Variants in CSMD1 observed in about 807,000 individuals in gnomAD.
CSMD1 encodes the protein CUB and sushi domain-containing protein 1.
Under a neutral mutation model 417.5 loss-of-function variants are expected in CSMD1, and 213 were observed. The ratio of observed to expected loss-of-function variants is 0.51; its 90% CI spans 0.46 to 0.57. The LOEUF is 0.57. Among genes scored for constraint, CSMD1 ranks in the 20% least tolerant of loss-of-function variants. The pLI, the probability that CSMD1 is intolerant of heterozygous loss-of-function variation, is 0.00. For synonymous variants in CSMD1, 2,862 were observed against 1,736.8 expected, an observed-to-expected ratio of 1.65 and a Z score of -16.11; for missense variants, 6,923 against 4,529.7, an observed-to-expected ratio of 1.53 and a Z score of -15.17.
At chr8:4,110,535 T>C (rs1472487818) in intron 3 of CSMD1, among the ~76,000 whole-genome samples, 2 of 152,202 alleles carry the variant, frequency 1.3e-5, no homozygotes, top group Non-Finnish European at 2.9e-5. Context: ...AGGATTTTCA[T>C]TTGTATTTAA....
At chr8:4,008,600 CTTTTTTTTTTTTTTTTTT>C (rs1161117794) in intron 4 of CSMD1, among the ~76,000 whole-genome samples, 4 of 80,452 alleles carry the variant, frequency 5.0e-5, no homozygotes, top group East Asian at 8.1e-4. Context: ...TTCTTTTTTT[CTTTTTTTTTTTTTTTTTT>C]TTTTTTTTTT....
At chr8:4,240,909 T>C (rs1802362191) in intron 3 of CSMD1, among the ~76,000 whole-genome samples, 1 of 152,246 alleles carries the variant, frequency 6.6e-6, no homozygotes, top group African/African-American at 2.4e-5. Context: ...GTAAAGAAAA[T>C]AGTTTAAAAT....
intron 49 of CSMD1, among the ~76,000 whole-genome samples, chr8:3,071,066 A>C (rs187508180): frequency 2.8e-4 from 42 of 152,318 alleles, no homozygotes; most frequent in African/African-American, 9.1e-4. Context: ...CAGGAGCAAG[A>C]GGTGGGTGGG....
chr8:4,391,343 C>G (rs1803838191), intron 3 of CSMD1, among the ~76,000 whole-genome samples: 1 of 152,176 alleles, frequency 6.6e-6, no homozygotes, highest in African/African-American at 2.4e-5. Context: ...CTTGACTGAG[C>G]TGAGCTATGG....
At chr8:4,943,497 A>G (rs1808160969) in intron 1 of CSMD1, among the ~76,000 whole-genome samples, 1 of 44,416 alleles carries the variant, frequency 2.3e-5, no homozygotes, top group African/African-American at 5.3e-5. Context: ...CACCGTCTCA[A>G]AAAAATAAAA....
intron 3 of CSMD1, among the ~76,000 whole-genome samples, chr8:4,412,996 T>A (rs1396646020): frequency 6.6e-6 from 1 of 152,216 alleles, no homozygotes; most frequent in African/African-American, 2.4e-5. Flanking sequence ...TCAGTAGTTA[T>A]GAGATTTTTG....
intron 3 of CSMD1, among the ~76,000 whole-genome samples, chr8:4,054,674 A>G (rs1306070649): frequency 2.0e-5 from 3 of 152,132 alleles, no homozygotes; most frequent in African/African-American, 4.8e-5. Context: ...GTCTCATAGG[A>G]CATTAGCTGA....
intron 37 of CSMD1, among the ~76,000 whole-genome samples, chr8:3,163,655 T>C (rs571128079): frequency 6.7e-6 from 1 of 148,874 alleles, no homozygotes; most frequent in South Asian, 2.1e-4. Context: ...GATAAAATGA[T>C]TAAGAACTTC....
intron 3 of CSMD1, among the ~76,000 whole-genome samples, chr8:4,319,525 A>T (rs921195114): frequency 6.6e-6 from 1 of 152,170 alleles, no homozygotes; most frequent in Non-Finnish European, 1.5e-5. Context: ...AAATAAACAA[A>T]CAAACAAACA....
At chr8:4,209,869 G>C (rs750255239) in intron 3 of CSMD1, among the ~76,000 whole-genome samples, 4 of 152,192 alleles carry the variant, frequency 2.6e-5, no homozygotes, top group Non-Finnish European at 5.9e-5. Flanking sequence ...GAAATTTCTA[G>C]AATGTAGGTG....
At chr8:4,795,450 T>G (rs2117255227) in intron 1 of CSMD1, among the ~76,000 whole-genome samples, 1 of 151,622 alleles carries the variant, frequency 6.6e-6, no homozygotes, top group Non-Finnish European at 1.5e-5. Flanking sequence ...TTTTGTATTT[T>G]TAGTAGAGAT....
intron 1 of CSMD1, among the ~76,000 whole-genome samples, chr8:4,738,535 TC>T (rs1488467832): frequency 6.6e-6 from 1 of 152,042 alleles, no homozygotes. Context: ...ACCTGGCCAC[TC>T]CCATAACAGG....
intron 49 of CSMD1, among the ~76,000 whole-genome samples, chr8:3,064,484 A>G (rs1196871570): frequency 6.6e-6 from 1 of 152,236 alleles, no homozygotes; most frequent in Admixed American, 6.5e-5. Context: ...TACAGCCTAC[A>G]GAACTGTGAG....
rs376026780 is a variant in CSMD1 at position 4,618,598 on chromosome 8, T to G, written c.302+18744A>C. On this transcript the variant is annotated intron_variant, in intron 2 of 69. Transcript: ENST00000635120. ...CCTGGATCCAACAAATGAAGGCTTTTGATGTTTTTCTGAGCTTCAGATCTG... is the reference window on the plus strand; with the variant it reads ...CCTGGATCCAACAAATGAAGGCTTTGGATGTTTTTCTGAGCTTCAGATCTG... Among the ~76,000 whole-genome samples, 28 of 152,262 alleles carry G rather than the reference T, an allele frequency of 1.8e-4. No individual in the cohort carries two copies. In the South Asian group the frequency reaches 4.6e-3, roughly 25 times the overall value.
intron 2 of CSMD1, among the ~76,000 whole-genome samples, chr8:4,427,372 A>T (rs758090682): frequency 7.2e-5 from 11 of 152,044 alleles, no homozygotes; most frequent in Non-Finnish European, 1.3e-4. Context: ...GGTGATCTGG[A>T]ACCAGGTGCT....
At chr8:3,514,894 T>A (rs946993729) in intron 10 of CSMD1, among the ~76,000 whole-genome samples, 1 of 152,170 alleles carries the variant, frequency 6.6e-6, no homozygotes, top group Non-Finnish European at 1.5e-5. Flanking sequence ...TAAATTTTAT[T>A]ATTGTTTATA....
At chr8:3,941,795 T>G (rs576898455) in intron 5 of CSMD1, among the ~76,000 whole-genome samples, 1 of 151,180 alleles carries the variant, frequency 6.6e-6, no homozygotes, top group African/African-American at 2.5e-5. Context: ...TTTTCCTCTG[T>G]TCCCTCATAC....
intron 10 of CSMD1, among the ~76,000 whole-genome samples, chr8:3,563,152 A>C (rs1346436034): frequency 6.6e-6 from 1 of 151,960 alleles, no homozygotes; most frequent in African/African-American, 2.4e-5. Context: ...TCATTGTCCT[A>C]ATGTATTTGG....
At chr8:4,269,478 T>G (rs1469821423) in intron 3 of CSMD1, among the ~76,000 whole-genome samples, 1 of 152,210 alleles carries the variant, frequency 6.6e-6, no homozygotes, top group Non-Finnish European at 1.5e-5. Context: ...GCTCATGTAT[T>G]CTTTGACTTT....
Sources: allele counts gnomAD v4.1 joint callset (sites outside exome capture counted in the v4.1 genomes callset), GRCh38; gene constraint gnomAD v4.1.1; transcripts MANE v1.5; gene names NCBI Gene and HGNC (gene_info 2026-07-23, HGNC 2026-07-21).